SPATC1L: variants seen among roughly 807,000 people sequenced by gnomAD.
SPATC1L encodes the protein spermatogenesis and centriole associated 1 like.
SPATC1L carries 20 observed loss-of-function variants against 21.2 expected under a neutral mutation model. The ratio of observed to expected loss-of-function variants is 0.94; its 90% confidence interval spans 0.66 to 1.37. SPATC1L has a LOEUF of 1.37. Among genes scored for constraint, SPATC1L ranks in the 40% most tolerant of loss-of-function variants. SPATC1L has a pLI of 0.00. For synonymous variants in SPATC1L, 290 were observed against 234.5 expected (o/e 1.24, Z -2.16); for missense variants, 499 against 478.7 (o/e 1.04, Z -0.40).
rs779930837 is a variant in SPATC1L at position 46,182,739 on chromosome 21, C to T, written c.78G>A (p.Lys26=). ...ADLKKQVRLL[K]ENQMLRRLLS... is the part of the protein sequence containing the mutation. ...GCAGCCGCCGCAGCATCTGATTCTC[C>T]TTCAGGAGGCGCACCTGCTTCTTCA... The change falls in exon 2 of 5, where the codon AAG becomes AAA. Residue 26 remains lysine (K), a synonymous_variant. Transcript: ENST00000291672. 8.1e-5 allele frequency: 125 copies of T among 1,548,028 alleles called. No individual in the cohort carries two copies. In the African/African-American group the frequency reaches 1.5e-3, roughly 19 times the overall value.
chr21:46,174,360 A>AAAAAAAAAG (rs2079616652), intron 2 of SPATC1L, among the ~76,000 whole-genome samples: 1 of 147,414 alleles, frequency 6.8e-6, no homozygotes, highest in South Asian at 2.2e-4. Context: ...AAAAAAAAAA[A>AAAAAAAAAG]CAGAATGGCA....
At chr21:46,181,899 A>G (rs1190760057) in intron 2 of SPATC1L, among the ~76,000 whole-genome samples, 1 of 152,214 alleles carries the variant, frequency 6.6e-6, no homozygotes, top group Non-Finnish European at 1.5e-5. Context: ...CCCACCCCAA[A>G]TCACATGCAG....
intron 2 of SPATC1L, among the ~76,000 whole-genome samples, chr21:46,169,317 C>A (rs2079565170): frequency 6.9e-6 from 1 of 145,274 alleles, no homozygotes; most frequent in Non-Finnish European, 1.5e-5. Flanking sequence ...TGGGGAGGAG[C>A]CTCCTGCTCT....
rs59110880 is a variant in SPATC1L, at chr21:46,178,232, CA to C, written c.193+4391del. ...GGGCAACAAGAGTGAAACTCCATCT[CA>C]AAAAAAAAAAAAAAAAAAAAAAACC... is the stretch of plus-strand genomic sequence containing the variant. On this transcript the variant is annotated intron_variant, in intron 2 of 4. Transcript: ENST00000291672. Among the ~76,000 whole-genome samples, 287 of 39,464 alleles carry C rather than the reference CA, an allele frequency of 7.3e-3. 1 individual carries two copies. Among genetic ancestry groups the C allele is most frequent in the Middle Eastern group, 0.04 (2 of 50 alleles). 25.9% of individuals were successfully genotyped at this position (39,464 alleles called of 152,430 possible).
At chr21:46,180,858 G>A (rs2079666925) in intron 2 of SPATC1L, among the ~76,000 whole-genome samples, 1 of 152,324 alleles carries the variant, frequency 6.6e-6, no homozygotes, top group East Asian at 1.9e-4. Flanking sequence ...CTGGCCTCAG[G>A]TTGAGGCTCC....
intron 2 of SPATC1L, 106 bp downstream of exon 2, chr21:46,182,518 C>G (rs75252048): frequency 2.7e-6 from 3 of 1,103,130 alleles, no homozygotes; most frequent in East Asian, 2.8e-5. Context: ...GAAAGGTGCC[C>G]GTGACCTCCC....
rs61483198 is a variant in SPATC1L, at chr21:46,169,132, C to T, written c.194-474G>A. ...TGGCAACTCTGTACACATGAGCACA[C>T]ATACAGACACACACACTGAATTTTT... On this transcript the variant is annotated intron_variant, in intron 2 of 4. Coordinates refer to ENST00000291672, the MANE Select transcript of SPATC1L (RefSeq NM_001142854.2). Among the ~76,000 whole-genome samples the T allele has an allele frequency of 8.9e-3, 1,349 of 151,364 alleles. 34 individuals carry two copies. Among genetic ancestry groups the T allele is most frequent in the African/African-American group, 0.031 (1,306 of 41,476 alleles).
intron 2 of SPATC1L, among the ~76,000 whole-genome samples, chr21:46,176,388 A>G (rs1217778625): frequency 6.6e-6 from 1 of 152,204 alleles, no homozygotes; most frequent in Non-Finnish European, 1.5e-5. Flanking sequence ...AAAATCCCAT[A>G]GTCTCAACCT....
At chr21:46,172,142 G>A (rs1443752319) in intron 2 of SPATC1L, among the ~76,000 whole-genome samples, 4 of 76,688 alleles carry the variant, frequency 5.2e-5, no homozygotes, top group South Asian at 5.6e-4. Flanking sequence ...AGTGTGAGGT[G>A]GGGGATGCAA....
intron 2 of SPATC1L, among the ~76,000 whole-genome samples, chr21:46,173,808 A>C (rs2079609992): frequency 6.6e-6 from 1 of 151,872 alleles, no homozygotes; most frequent in Non-Finnish European, 1.5e-5. Flanking sequence ...GAAGGCAGGC[A>C]CTCTGCATCT....
chr21:46,161,565 G>T lies in SPATC1L; in HGVS notation c.837C>A (p.Ile279=), dbSNP rs1345161843. The T allele has an allele frequency of 6.8e-6, 11 of 1,610,754 alleles. No homozygotes were observed. The highest frequency in any genetic ancestry group is 9.3e-6 in the Non-Finnish European group (11 of 1,179,074). ...GCTGCTTCAGGATTCCGTAGGTGTT[G>T]ATGAGGAACTCGCTGAACGCCGGGT... The part of the protein sequence containing the change: ...DVHPAFSEFL[I]NTYGILKQRP... Residue 279 remains isoleucine, a synonymous_variant, in exon 5 of 5, where the codon ATC becomes ATA. Transcript: ENST00000291672.
intron 3 of SPATC1L, among the ~76,000 whole-genome samples, chr21:46,163,077 A>C (rs2079514628): frequency 6.6e-6 from 1 of 152,192 alleles, no homozygotes; most frequent in South Asian, 2.1e-4. Context: ...ACTAACGACT[A>C]GTGATTCGAG....
In SPATC1L at chr21:46,161,324, C is replaced by G; in HGVS notation, c.*55G>C. ...GGGGGACGCGCAGGAGGCACCGCGG[C>G]CCCGGGTTGGAACAAACGCGTTTAC... On this transcript the variant is annotated 3_prime_UTR_variant, in exon 5 of 5. Coordinates refer to ENST00000291672, the MANE Select transcript of SPATC1L (RefSeq NM_001142854.2). 1 of 1,434,710 alleles carries G rather than the reference C, an allele frequency of 7.0e-7. No homozygotes were observed. The highest frequency in any genetic ancestry group is 1.5e-5 in the South Asian group (1 of 68,608). 88.9% of individuals were successfully genotyped at this position (1,434,710 alleles called of 1,614,324 possible).
At chr21:46,180,277 C>G (rs796138682) in intron 2 of SPATC1L, among the ~76,000 whole-genome samples, 1 of 152,106 alleles carries the variant, frequency 6.6e-6, no homozygotes, top group Admixed American at 6.5e-5. Context: ...AGTCAAGTTG[C>G]GGAACAGCAC....
At chr21:46,169,604 C>T (rs1203478158) in intron 2 of SPATC1L, among the ~76,000 whole-genome samples, 1 of 111,116 alleles carries the variant, frequency 9.0e-6, no homozygotes, top group African/African-American at 4.2e-5. Context: ...GCTCTGTGAG[C>T]ATCCTCTGTG....
intron 2 of SPATC1L, among the ~76,000 whole-genome samples, chr21:46,178,183 G>T (rs2079645827): frequency 7.4e-6 from 1 of 135,722 alleles, no homozygotes; most frequent in Non-Finnish European, 1.5e-5. Context: ...AGCGAGCCGA[G>T]ATCGTGCCAT....
chr21:46,169,202 T>G (rs1245837648), intron 2 of SPATC1L, among the ~76,000 whole-genome samples: 1 of 152,272 alleles, frequency 6.6e-6, no homozygotes, highest in Non-Finnish European at 1.5e-5. Context: ...CATGTTTCCG[T>G]GCAAACACAC....
At chr21:46,166,366 C>CAAAAAAA (rs545784940) in intron 3 of SPATC1L, among the ~76,000 whole-genome samples, 1 of 141,894 alleles carries the variant, frequency 7.0e-6, no homozygotes, top group African/African-American at 2.6e-5. Flanking sequence ...ACCCTGTCTC[C>CAAAAAAA]AAAAAAAAAA....
chr21:46,181,309 G>T lies in SPATC1L; in HGVS notation c.193+1315C>A, dbSNP rs528559965. ...CCGCTGATGGAGACGCAGAACCTGG[G>T]GCCTCGCACAGCATGGCCCCCAGGC... is the stretch of plus-strand genomic sequence containing the variant. On this transcript the variant is annotated intron_variant, in intron 2 of 4. Transcript: ENST00000291672. Among the ~76,000 whole-genome samples the T allele has an allele frequency of 1.9e-4, 29 of 152,292 alleles. No individual in the cohort carries two copies. In the East Asian group the frequency reaches 5.4e-3, roughly 28 times the overall value.
Sources: allele counts gnomAD v4.1 joint callset (sites outside exome capture counted in the v4.1 genomes callset), GRCh38; gene constraint gnomAD v4.1.1; transcripts MANE v1.5; gene names NCBI Gene and HGNC (gene_info 2026-07-23, HGNC 2026-07-21).